Variants in GMEB1 observed in about 807,000 individuals in gnomAD.
The protein encoded by GMEB1 is glucocorticoid modulatory element binding protein 1, also known as glucocorticoid modulatory element-binding protein 1.
GMEB1 carries 6 observed loss-of-function variants against 52.4 expected under a neutral mutation model. That is an observed-to-expected ratio of 0.11 (90% confidence interval 0.06 to 0.23). The LOEUF is 0.23. Among genes scored for constraint, GMEB1 ranks in the 10% least tolerant of loss-of-function variants. GMEB1 has a pLI of 1.00. For missense variants in GMEB1, 486 were observed against 685.6 expected (o/e 0.71, Z 3.25); for synonymous variants, 255 against 244.9 (o/e 1.04, Z -0.38).
intron 1 of GMEB1, among the ~76,000 whole-genome samples, chr1:28,678,827 TC>T (rs2124466355): frequency 6.6e-6 from 1 of 152,172 alleles, no homozygotes; most frequent in African/African-American, 2.4e-5. Context: ...GCTTAAGCAA[TC>T]CGCCCACCTC....
chr1:28,669,167 C>T (rs1668761434), intron 1 of GMEB1, among the ~76,000 whole-genome samples: 2 of 151,318 alleles, frequency 1.3e-5, no homozygotes, highest in Non-Finnish European at 3.0e-5. Flanking sequence ...CTGGGGGGGC[C>T]CCGGCGCCCC....
At chr1:28,690,053 A>AT in intron 2 of GMEB1, 51 bp from the exon 3 acceptor site, 1 of 1,288,944 alleles carries the variant, frequency 7.8e-7, no homozygotes, top group South Asian at 1.3e-5. Context: ...GTGAATATTA[A>AT]TTTTTTCATG....
chr1:28,671,095 C>A (rs1017118175), intron 1 of GMEB1, among the ~76,000 whole-genome samples: 1 of 152,114 alleles, frequency 6.6e-6, no homozygotes, highest in Non-Finnish European at 1.5e-5. Flanking sequence ...AGTGTTTCTG[C>A]ATAATTTACT....
At chr1:28,672,748 T>G (rs1469441842) in intron 1 of GMEB1, among the ~76,000 whole-genome samples, 2 of 147,756 alleles carry the variant, frequency 1.4e-5, no homozygotes, top group African/African-American at 4.9e-5. Context: ...TTTTTTTTTT[T>G]TTTTTTTGTT....
At chr1:28,698,561 G>A (rs1209502149) in intron 6 of GMEB1, among the ~76,000 whole-genome samples, 1 of 151,532 alleles carries the variant, frequency 6.6e-6, no homozygotes, top group Non-Finnish European at 1.5e-5. Flanking sequence ...TGTAGTCCCA[G>A]CTACTCGGGA....
At chr1:28,668,261 A>T (rs1000005795), upstream of GMEB1, among the ~76,000 whole-genome samples, 3 of 151,938 alleles carry the variant, frequency 2.0e-5, no homozygotes, top group African/African-American at 7.2e-5. Context: ...TCAAGACTTC[A>T]ACCCAGAAAC....
intron 9 of GMEB1, among the ~76,000 whole-genome samples, chr1:28,713,716 C>T (rs1671164986): frequency 6.6e-6 from 1 of 152,108 alleles, no homozygotes; most frequent in Admixed American, 6.6e-5. Context: ...TTGGAGTGGC[C>T]ATTGTAGCTC....
rs958821061 is a variant in GMEB1 at position 28,716,751 on chromosome 1, G to C, written c.*1978G>C. On this transcript the variant is annotated 3_prime_UTR_variant, in exon 10 of 10. Coordinates refer to ENST00000373816, the MANE Select transcript of GMEB1 (RefSeq NM_001319674.2). ...TCAATAATAATGCTTTGGGGGGGGG[G>C]GTTATTTTGTTTTGTTTTGTTTTTA... 1 of 148,668 alleles carries C rather than the reference G, an allele frequency of 6.7e-6. No individual in the cohort carries two copies. Among genetic ancestry groups the C allele is most frequent in the East Asian group, 2.1e-4 (1 of 4,878 alleles). 9.2% of individuals were successfully genotyped at this position (148,668 alleles called of 1,614,324 possible). A position where few individuals can be genotyped will look rare whatever the true frequency, so the allele number is the denominator to read the frequency against.
At chr1:28,694,877 T>A (rs1670125970) in intron 5 of GMEB1, among the ~76,000 whole-genome samples, 1 of 151,600 alleles carries the variant, frequency 6.6e-6, no homozygotes, top group Non-Finnish European at 1.5e-5. Context: ...TTGGTCAGGC[T>A]GGTCTCGAAC....
chr1:28,709,178 G>T (rs1670930472), intron 8 of GMEB1, among the ~76,000 whole-genome samples: 1 of 150,866 alleles, frequency 6.6e-6, no homozygotes, highest in Admixed American at 6.6e-5. Flanking sequence ...ATGGTGGCGT[G>T]CACGTGTAAT....
At chr1:28,675,009 G>A (rs1391658603) in intron 1 of GMEB1, among the ~76,000 whole-genome samples, 2 of 120,802 alleles carry the variant, frequency 1.7e-5, no homozygotes, top group Non-Finnish European at 3.4e-5. Flanking sequence ...GTGAGCCACC[G>A]CGCCCGGCCT....
intron 1 of GMEB1, among the ~76,000 whole-genome samples, chr1:28,678,408 T>C (rs1004253052): frequency 6.6e-6 from 1 of 151,522 alleles, no homozygotes; most frequent in African/African-American, 2.4e-5. Flanking sequence ...GCCTCTGGGG[T>C]TCGCCATTCT....
In GMEB1 at chr1:28,671,261, A is replaced by C. The variant is rs961207506; in HGVS notation, c.-31+2422A>C. Among the ~76,000 whole-genome samples the C allele has an allele frequency of 6.6e-5, 10 of 152,094 alleles. No individual in the cohort carries two copies. The East Asian group carries it at 1.7e-3, about 26-fold the overall frequency. The stretch of plus-strand genomic sequence containing the variant: ...AAACAAAACTGTAGTTTAGAGTGGA[A>C]ATTTCTTTTTTATTTTATTTTTTTG... On this transcript the variant is annotated intron_variant, in intron 1 of 9. Transcript: ENST00000373816.
chr1:28,707,922 A>G (rs539363892), intron 8 of GMEB1, among the ~76,000 whole-genome samples: 14 of 151,192 alleles, frequency 9.3e-5, no homozygotes, highest in Non-Finnish European at 1.9e-4. Flanking sequence ...TTTTGGAGAC[A>G]GGGTCTTGCT....
chr1:28,672,197 TTTTATTTATTTATTTATTTATTTA>T lies in GMEB1; in HGVS notation c.-31+3374_-31+3397del, dbSNP rs201524415. On this transcript the variant is annotated intron_variant, in intron 1 of 9. Coordinates refer to ENST00000373816, the MANE Select transcript of GMEB1 (RefSeq NM_001319674.2). Reference sequence around the variant, plus strand: ...TTTTACTTTTTTTTTTAACTTTTATTTTTATTTATTTATTTATTTATTTATTTATTTATTTATTTTTGAGACGGA... The same window carrying T: ...TTTTACTTTTTTTTTTAACTTTTATTTTTATTTATTTATTTTTGAGACGGA... Among the ~76,000 whole-genome samples, 3 of 136,038 alleles carry T rather than the reference TTTTATTTATTTATTTATTTATTTA, an allele frequency of 2.2e-5. No individual in the cohort carries two copies. The Admixed American group carries it at 2.3e-4, about 10-fold the overall frequency. The allele number at this position is 136,038 out of a possible 152,430, so 89.2% of individuals were successfully genotyped here. A position where few individuals can be genotyped will look rare whatever the true frequency, so the allele number is the denominator to read the frequency against.
Position 28,702,488 on chromosome 1 carries a change from C to T in GMEB1, c.649C>T (p.Leu217=). The change falls in exon 7 of 10, where the codon CTG becomes TTG. Residue 217 remains leucine (L), a synonymous_variant. Coordinates refer to ENST00000373816, the MANE Select transcript of GMEB1 (RefSeq NM_001319674.2). ...AGAAGAGAGCATGGAAGAGGCAGGG[C>T]TGGAATGGAACTCAGCTCTCACCGC... ...ISEESMEEAG[L]EWNSALTAAV... 8 of 1,613,184 alleles carry T rather than the reference C, an allele frequency of 5.0e-6. No individual in the cohort carries two copies. Among genetic ancestry groups the T allele is most frequent in the Middle Eastern group, 3.3e-4 (2 of 6,058 alleles).
chr1:28,672,750 T>G (rs1304700685), intron 1 of GMEB1, among the ~76,000 whole-genome samples: 2 of 148,630 alleles, frequency 1.3e-5, no homozygotes, highest in Non-Finnish European at 3.0e-5. Context: ...TTTTTTTTTT[T>G]TTTTTGTTTT....
chr1:28,698,071 C>T (rs1670312382), intron 6 of GMEB1, among the ~76,000 whole-genome samples: 2 of 151,844 alleles, frequency 1.3e-5, no homozygotes, highest in Non-Finnish European at 1.5e-5. Flanking sequence ...ACTCGGGAGG[C>T]GGAGCTTGCA....
intron 6 of GMEB1, among the ~76,000 whole-genome samples, chr1:28,698,623 CA>C (rs1670344546): frequency 6.9e-6 from 1 of 144,248 alleles, no homozygotes; most frequent in African/African-American, 2.6e-5. Context: ...TGCAGTGAGG[CA>C]AGATGGCGCC....
Sources: gnomAD v4.1 joint callset for allele counts (sites outside exome capture counted in the v4.1 genomes callset) on GRCh38, gnomAD v4.1.1 for gene constraint, MANE v1.5 for transcripts, NCBI Gene and HGNC (gene_info 2026-07-23, HGNC 2026-07-21) for gene names.